Variants in RGS6 observed in about 807,000 individuals in gnomAD.
The protein encoded by RGS6 is regulator of G-protein signaling 6.
Under a neutral mutation model 78.5 loss-of-function variants are expected in RGS6, and 30 were observed. The ratio of observed to expected loss-of-function variants is 0.38; its 90% CI spans 0.29 to 0.52. The LOEUF (loss-of-function observed/expected upper bound fraction) is 0.52. Among genes scored for constraint, RGS6 ranks in the 20% least tolerant of loss-of-function variants. RGS6 has a pLI of 0.85. For missense variants in RGS6, 495 were observed against 609.7 expected (o/e 0.81, Z 1.98); for synonymous variants, 206 against 206.0 (o/e 1.00, Z 0.00).
intron 17 of RGS6, among the ~76,000 whole-genome samples, chr14:72,558,045 T>C (rs959555241): frequency 5.9e-5 from 9 of 152,132 alleles, no homozygotes; most frequent in African/African-American, 2.2e-4. Context: ...AGACCTGAAG[T>C]ACATGGCTCA....
At chr14:72,302,999 T>C (rs2066443136) in intron 2 of RGS6, among the ~76,000 whole-genome samples, 1 of 152,200 alleles carries the variant, frequency 6.6e-6, no homozygotes, top group Non-Finnish European at 1.5e-5. Context: ...CCTTTGCTCC[T>C]CCTTTGCCTT....
At chr14:72,622,903 C>T in the RGS6 span, among the ~76,000 whole-genome samples, 4 of 152,202 alleles carry the variant, frequency 2.6e-5, no homozygotes, top group African/African-American at 7.2e-5. Flanking sequence ...AAATCCTCTA[C>T]ATTTACACTA....
At chr14:72,543,352 G>C (rs930830316) in intron 17 of RGS6, among the ~76,000 whole-genome samples, 3 of 152,172 alleles carry the variant, frequency 2.0e-5, no homozygotes, top group African/African-American at 7.2e-5. Flanking sequence ...CTTGTCCGAG[G>C]AGCCTGTTTC....
intron 12 of RGS6, among the ~76,000 whole-genome samples, chr14:72,489,164 A>ACCCC (rs200005100): frequency 2.5e-4 from 37 of 146,396 alleles, no homozygotes; most frequent in Admixed American, 3.5e-4. Context: ...GGGCCCCCCC[A>ACCCC]CCGGCTGTTT....
intron 2 of RGS6, among the ~76,000 whole-genome samples, chr14:72,331,456 A>AT (rs2075014236): frequency 6.6e-6 from 1 of 152,172 alleles, no homozygotes; most frequent in Non-Finnish European, 1.5e-5. Context: ...AGGGTGGAAT[A>AT]TGGTGCAGTA....
intron 12 of RGS6, among the ~76,000 whole-genome samples, chr14:72,486,683 A>C (rs573041112): frequency 6.6e-6 from 1 of 152,126 alleles, no homozygotes; most frequent in African/African-American, 2.4e-5. Flanking sequence ...GCACAAACCC[A>C]AAAGCCTTTT....
the RGS6 span, among the ~76,000 whole-genome samples, chr14:71,870,873 C>T: frequency 6.6e-6 from 1 of 152,148 alleles, no homozygotes; most frequent in Non-Finnish European, 1.5e-5. Flanking sequence ...TATTAGGAGG[C>T]CTTGGGCCTC....
the RGS6 span, chr14:71,908,426 A>G: frequency 6.6e-6 from 1 of 152,254 alleles, no homozygotes; most frequent in African/African-American, 2.4e-5. Flanking sequence ...TGGAAGAAAC[A>G]TGCTGTAGGT....
chr14:72,429,530 C>A (rs1383099112), intron 3 of RGS6, among the ~76,000 whole-genome samples: 3 of 152,112 alleles, frequency 2.0e-5, no homozygotes, highest in East Asian at 1.9e-4. Context: ...ATGAAGCCAG[C>A]CAGAAAAAGA....
At chr14:72,583,303 C>A in the RGS6 span, among the ~76,000 whole-genome samples, 1 of 152,188 alleles carries the variant, frequency 6.6e-6, no homozygotes, top group African/African-American at 2.4e-5. Flanking sequence ...TAAGCCAATT[C>A]CCCTAATAAA....
chr14:72,579,680 T>C, the RGS6 span, among the ~76,000 whole-genome samples: 3 of 152,096 alleles, frequency 2.0e-5, no homozygotes, highest in African/African-American at 7.2e-5. Context: ...CAATTTGACA[T>C]AGGAAACTAG....
chr14:72,227,678 T>C (rs2048447970), intron 2 of RGS6, among the ~76,000 whole-genome samples: 1 of 152,242 alleles, frequency 6.6e-6, no homozygotes, highest in Non-Finnish European at 1.5e-5. Flanking sequence ...GCATATTTTA[T>C]TAGATGTTAA....
intron 2 of RGS6, among the ~76,000 whole-genome samples, chr14:72,223,113 TG>T (rs2047262338): frequency 6.6e-6 from 1 of 152,230 alleles, no homozygotes; most frequent in African/African-American, 2.4e-5. Flanking sequence ...AGTTCAAATT[TG>T]TTGATGAAAT....
At chr14:72,005,832 C>T (rs2084445283) in intron 2 of RGS6, among the ~76,000 whole-genome samples, 1 of 151,822 alleles carries the variant, frequency 6.6e-6, no homozygotes, top group South Asian at 2.1e-4. Context: ...CTGACTCTTG[C>T]ATTTGTTATC....
chr14:72,611,361 C>G, the RGS6 span, among the ~76,000 whole-genome samples: 7 of 152,230 alleles, frequency 4.6e-5, no homozygotes, highest in Non-Finnish European at 8.8e-5. Flanking sequence ...ATCTGACAAG[C>G]ACCTGGCCAA....
chr14:72,466,605 C>T (rs559355190), intron 7 of RGS6, among the ~76,000 whole-genome samples: 1 of 152,312 alleles, frequency 6.6e-6, no homozygotes, highest in Non-Finnish European at 1.5e-5. Flanking sequence ...GTACCAAGAA[C>T]ATTATGTTGG....
At chr14:72,263,073 C>G (rs1191684080) in intron 2 of RGS6, among the ~76,000 whole-genome samples, 1 of 152,194 alleles carries the variant, frequency 6.6e-6, no homozygotes, top group African/African-American at 2.4e-5. Context: ...CAGGGCCTAT[C>G]TGGGTGGTTA....
chr14:72,475,199 G>GTTTTTTATGGT (rs1566936724), intron 10 of RGS6, among the ~76,000 whole-genome samples: 2 of 122,010 alleles, frequency 1.6e-5, no homozygotes, highest in Non-Finnish European at 3.4e-5. Flanking sequence ...CTTTTTTATG[G>GTTTTTTATGGT]TTTTTTTTTT....
chr14:72,177,184 G>A (rs573207151), intron 2 of RGS6, among the ~76,000 whole-genome samples: 3 of 151,908 alleles, frequency 2.0e-5, no homozygotes, highest in African/African-American at 4.8e-5. Context: ...TGAAACTGCC[G>A]TGAACATCTT....
Sources: gnomAD v4.1 joint callset for allele counts (sites outside exome capture counted in the v4.1 genomes callset) on GRCh38, gnomAD v4.1.1 for gene constraint, MANE v1.5 for transcripts, NCBI Gene and HGNC (gene_info 2026-07-23, HGNC 2026-07-21) for gene names.